The following VOPP1 variants were observed in gnomAD, a reference collection of about 807,000 sequenced individuals.
VOPP1 encodes the protein WW domain binding protein VOPP1.
A neutral mutation model predicts 23.5 loss-of-function variants in VOPP1; 8 were observed. The ratio of observed to expected loss-of-function variants is 0.34; its 90% CI spans 0.20 to 0.61. The LOEUF (loss-of-function observed/expected upper bound fraction) is 0.61. VOPP1 is among the 20% of genes least tolerant of loss of function. VOPP1 has a pLI of 0.78. For synonymous variants in VOPP1, 83 were observed against 97.3 expected, an observed-to-expected ratio of 0.85 and a Z score of 0.86; for missense variants, 174 against 238.1, an observed-to-expected ratio of 0.73 and a Z score of 1.77.
At chr7:55,478,987 C>T (rs1792484857) in intron 4 of VOPP1, among the ~76,000 whole-genome samples, 1 of 152,116 alleles carries the variant, frequency 6.6e-6, no homozygotes, top group Admixed American at 6.5e-5. Context: ...GGAAGGAGCC[C>T]GGCCCGAGGA....
At chr7:55,490,190 G>T (rs1793465236) in intron 4 of VOPP1, among the ~76,000 whole-genome samples, 1 of 152,036 alleles carries the variant, frequency 6.6e-6, no homozygotes, top group Non-Finnish European at 1.5e-5. Flanking sequence ...TCTGTTTTTT[G>T]TTTTTTAAGA....
At chr7:55,439,791 G>A (rs1247389253) in intron 4 of VOPP1, among the ~76,000 whole-genome samples, 2 of 152,200 alleles carry the variant, frequency 1.3e-5, no homozygotes, top group Non-Finnish European at 2.9e-5. Flanking sequence ...TGGAGGAGGC[G>A]GAGGTGCTGG....
intron 4 of VOPP1, among the ~76,000 whole-genome samples, chr7:55,477,364 C>T (rs922543070): frequency 7.2e-5 from 11 of 152,196 alleles, no homozygotes; most frequent in Non-Finnish European, 1.6e-4. Context: ...GAAGGGGGGA[C>T]GAGTGGCGAC....
chr7:55,509,850 A>C (rs1400887953), intron 2 of VOPP1, among the ~76,000 whole-genome samples: 1 of 151,794 alleles, frequency 6.6e-6, no homozygotes, highest in Non-Finnish European at 1.5e-5. Context: ...GATTTATTTG[A>C]CTCCCTTTAC....
At position 55,550,027 on chromosome 7, in the gene VOPP1, G is replaced by GT. The variant is rs553470041; in HGVS notation, c.54+22243dup. On this transcript the variant is annotated intron_variant, in intron 1 of 4. Transcript: ENST00000285279. ...GCCTCTCCTCAGCATGATAGCCTGA[G>GT]TGCCACCACAGGCCGGGCCAAGGGG... Among the ~76,000 whole-genome samples, 17 of 152,346 alleles carry GT rather than the reference G, an allele frequency of 1.1e-4. 1 individual carries two copies. The South Asian group carries it at 3.1e-3, about 28-fold the overall frequency.
chr7:55,552,569 T>C (rs1445582528), intron 1 of VOPP1: 50 of 1,532,652 alleles, frequency 3.3e-5, no homozygotes, highest in Non-Finnish European at 4.3e-5. Context: ...ACAAATGAAG[T>C]CTAGGAAAAC....
At chr7:55,442,581 T>C (rs1486592369) in intron 4 of VOPP1, among the ~76,000 whole-genome samples, 2 of 151,902 alleles carry the variant, frequency 1.3e-5, no homozygotes, top group Non-Finnish European at 2.9e-5. Flanking sequence ...GCACTGATCG[T>C]TGGTGGCTCT....
intron 2 of VOPP1, among the ~76,000 whole-genome samples, chr7:55,513,058 G>A (rs888099428): frequency 1.3e-5 from 2 of 152,194 alleles, no homozygotes; most frequent in African/African-American, 2.4e-5. Flanking sequence ...AACAACACAG[G>A]GTAATATAAG....
chr7:55,539,920 C>CACAA (rs1797042501), intron 1 of VOPP1, among the ~76,000 whole-genome samples: 4 of 151,356 alleles, frequency 2.6e-5, no homozygotes, highest in Admixed American at 2.6e-4. Context: ...CACACACACA[C>CACAA]ACACACACAC....
chr7:55,492,441 G>T (rs779317819), intron 3 of VOPP1, 23 bp from the exon 4 acceptor site: 25 of 1,592,566 alleles, frequency 1.6e-5, no homozygotes, highest in African/African-American at 2.7e-5. Flanking sequence ...CAGACGTGAG[G>T]GTGGTGCTCC....
intron 4 of VOPP1, among the ~76,000 whole-genome samples, chr7:55,474,586 A>C (rs540070682): frequency 8.3e-4 from 127 of 152,366 alleles, no homozygotes; most frequent in African/African-American, 2.9e-3. Context: ...GCCCCCCAAC[A>C]GGCAGGGCAA....
Position 55,527,680 on chromosome 7 carries a change from T to C in VOPP1, c.55-6550A>G, listed in dbSNP as rs116769228. On this transcript the variant is annotated intron_variant, in intron 1 of 4. Coordinates refer to ENST00000285279, the MANE Select transcript of VOPP1 (RefSeq NM_030796.5). ...TTAATCAGTAACCAAACTTAAAAGG[T>C]AGAAGCAGAGGAAACTACCCAAATA... 2.0e-3 allele frequency among the ~76,000 whole-genome samples: 303 copies of C among 152,172 alleles called. 1 individual carries two copies. The highest frequency in any genetic ancestry group is 6.9e-3 in the African/African-American group (287 of 41,490).
chr7:55,453,725 C>T (rs994074406), intron 4 of VOPP1, among the ~76,000 whole-genome samples: 3 of 151,954 alleles, frequency 2.0e-5, no homozygotes, highest in East Asian at 3.9e-4. Context: ...TGTGAATTAC[C>T]AAATGAGACA....
chr7:55,524,335 T>C (rs1278340880), intron 1 of VOPP1, among the ~76,000 whole-genome samples: 4 of 152,380 alleles, frequency 2.6e-5, no homozygotes, highest in Middle Eastern at 3.4e-3. Flanking sequence ...TAAGGCTACA[T>C]TTCTTGAAAC....
chr7:55,565,884 A>G (rs1177582153), intron 1 of VOPP1, among the ~76,000 whole-genome samples: 1 of 152,206 alleles, frequency 6.6e-6, no homozygotes, highest in African/African-American at 2.4e-5. Context: ...GCCAGTGGGG[A>G]GGACCTGGAG....
At chr7:55,456,928 C>T (rs1433120893) in intron 4 of VOPP1, among the ~76,000 whole-genome samples, 1 of 152,070 alleles carries the variant, frequency 6.6e-6, no homozygotes, top group Non-Finnish European at 1.5e-5. Context: ...TGCACATGTA[C>T]CCCAGAACTT....
intron 2 of VOPP1, among the ~76,000 whole-genome samples, chr7:55,510,434 T>C (rs1397171088): frequency 1.3e-5 from 2 of 152,148 alleles, no homozygotes; most frequent in Non-Finnish European, 2.9e-5. Flanking sequence ...AGACACCAAA[T>C]AAAACTTATT....
intron 4 of VOPP1, 45 bp from the exon 5 acceptor site, chr7:55,473,090 A>C (rs777195137): frequency 6.4e-7 from 1 of 1,569,760 alleles, no homozygotes; most frequent in Non-Finnish European, 8.6e-7. Context: ...GGAAAGCCCC[A>C]TCACACCGCA....
intron 4 of VOPP1, among the ~76,000 whole-genome samples, chr7:55,488,567 CA>C (rs1793317620): frequency 2.0e-5 from 3 of 152,162 alleles, no homozygotes. Context: ...CCTCCCCGAC[CA>C]GAAGCCTCTT....
Sources: gnomAD v4.1 joint callset for allele counts (sites outside exome capture counted in the v4.1 genomes callset) on GRCh38, gnomAD v4.1.1 for gene constraint, MANE v1.5 for transcripts, NCBI Gene and HGNC (gene_info 2026-07-23, HGNC 2026-07-21) for gene names.